TLL1: variants seen among roughly 807,000 people sequenced by gnomAD.
The protein encoded by TLL1 is tolloid like 1, also known as tolloid-like protein 1.
A neutral mutation model predicts 128.2 loss-of-function variants in TLL1; 49 were observed. The observed-to-expected ratio is 0.38, with a 90% CI of 0.30 to 0.48. TLL1 has a LOEUF of 0.48. Among genes scored for constraint, TLL1 ranks in the 20% least tolerant of loss-of-function variants. The pLI is 0.96. For missense variants in TLL1, 1,123 were observed against 1,242.0 expected (o/e 0.90, Z 1.44); for synonymous variants, 454 against 418.8 (o/e 1.08, Z -1.03).
intron 1 of TLL1, among the ~76,000 whole-genome samples, chr4:165,900,885 G>T (rs1270008479): frequency 6.6e-6 from 1 of 152,130 alleles, no homozygotes; most frequent in African/African-American, 2.4e-5. Context: ...ATCAAACATA[G>T]ATTTGGTCTT....
chr4:165,894,027 G>T (rs973537879), intron 1 of TLL1, among the ~76,000 whole-genome samples: 1 of 152,184 alleles, frequency 6.6e-6, no homozygotes, highest in South Asian at 2.1e-4. Context: ...CAATGGAAAT[G>T]TTTATCATTA....
chr4:165,894,616 G>C (rs1427078303), intron 1 of TLL1, among the ~76,000 whole-genome samples: 2 of 152,116 alleles, frequency 1.3e-5, no homozygotes, highest in East Asian at 1.9e-4. Context: ...GATTAATGTA[G>C]ACGTTAAATA....
intron 1 of TLL1, among the ~76,000 whole-genome samples, chr4:165,902,840 ATT>A (rs1461046059): frequency 2.0e-5 from 3 of 152,210 alleles, no homozygotes; most frequent in East Asian, 3.8e-4. Context: ...TAAATCATTA[ATT>A]CAAAATGAAT....
intron 15 of TLL1, among the ~76,000 whole-genome samples, chr4:166,063,562 T>C (rs982765595): frequency 2.6e-5 from 4 of 152,178 alleles, no homozygotes; most frequent in Non-Finnish European, 4.4e-5. Flanking sequence ...TGTGGCACTA[T>C]TGACAATAGC....
At chr4:165,993,778 T>C (rs2111017236) in intron 3 of TLL1, among the ~76,000 whole-genome samples, 1 of 152,232 alleles carries the variant, frequency 6.6e-6, no homozygotes, top group African/African-American at 2.4e-5. Flanking sequence ...ATTTTGTTCG[T>C]GTTGTGTACT....
rs533306919 is a variant in TLL1, at chr4:166,046,477, G to A, written c.1524+3058G>A. Among the ~76,000 whole-genome samples the A allele has an allele frequency of 3.9e-5, 6 of 152,250 alleles. No individual in the cohort carries two copies. The South Asian group carries it at 1.2e-3, about 32-fold the overall frequency. On this transcript the variant is annotated intron_variant, in intron 12 of 20. Transcript: ENST00000061240. Reference sequence around the variant, plus strand: ...TATCACACTGGTGAGTACTAAAAGAGCATTAAAACCCAGGTACATTTGATC... The same window carrying A: ...TATCACACTGGTGAGTACTAAAAGAACATTAAAACCCAGGTACATTTGATC...
chr4:165,913,358 T>A (rs1732630938), intron 1 of TLL1, among the ~76,000 whole-genome samples: 1 of 152,202 alleles, frequency 6.6e-6, no homozygotes, highest in Admixed American at 6.5e-5. Context: ...CTGAGTGTTT[T>A]TGTTTGGTAT....
At chr4:165,956,326 T>G (rs1386834392) in intron 1 of TLL1, among the ~76,000 whole-genome samples, 1 of 152,052 alleles carries the variant, frequency 6.6e-6, no homozygotes, top group Non-Finnish European at 1.5e-5. Flanking sequence ...CTAATAAGCC[T>G]GAGGGTACTG....
chr4:166,091,883 G>C lies in TLL1; in HGVS notation c.2656+542G>C, dbSNP rs193029779. ...TCTCTAATTTACTCTTACAGATTTC[G>C]ACTAACTGCTCTGGAAATCTTAAAG... On this transcript the variant is annotated intron_variant, in intron 19 of 20. Coordinates refer to ENST00000061240, the MANE Select transcript of TLL1 (RefSeq NM_012464.5). Among the ~76,000 whole-genome samples, 133 of 151,868 alleles carry C rather than the reference G, an allele frequency of 8.8e-4. 1 individual carries two copies. The highest frequency in any genetic ancestry group is 3.1e-3 in the African/African-American group (130 of 41,432).
rs1736976507 is a variant in TLL1, at chr4:165,998,264, A to G, written c.632+3086A>G. Among the ~76,000 whole-genome samples the G allele has an allele frequency of 2.0e-5, 3 of 152,274 alleles. No homozygotes were observed. The South Asian group carries it at 6.2e-4, about 32-fold the overall frequency. On this transcript the variant is annotated intron_variant, in intron 5 of 20. Coordinates refer to ENST00000061240, the MANE Select transcript of TLL1 (RefSeq NM_012464.5). ...AGAGATTTATATAACTATGTTTATTACCTCAGTCTATTATGTAGCCTTTTA... is the reference window on the plus strand; with the variant it reads ...AGAGATTTATATAACTATGTTTATTGCCTCAGTCTATTATGTAGCCTTTTA...
At chr4:166,070,212 G>C (rs140224233) in intron 16 of TLL1, among the ~76,000 whole-genome samples, 1 of 151,740 alleles carries the variant, frequency 6.6e-6, no homozygotes, top group South Asian at 2.1e-4. Flanking sequence ...GTCTGCATAG[G>C]TATACATGAT....
chr4:165,929,408 A>T (rs1216252920), intron 1 of TLL1, among the ~76,000 whole-genome samples: 1 of 152,092 alleles, frequency 6.6e-6, no homozygotes, highest in African/African-American at 2.4e-5. Flanking sequence ...GTGTGGTGGC[A>T]CATGCCTGTA....
intron 2 of TLL1, among the ~76,000 whole-genome samples, chr4:165,990,245 TAGAA>T (rs776200947): frequency 2.9e-4 from 44 of 152,052 alleles, no homozygotes; most frequent in Non-Finnish European, 5.0e-4. Flanking sequence ...ATTGCAAGGT[TAGAA>T]AGTTAAAATC....
chr4:166,060,929 T>C (rs1740282298), intron 15 of TLL1, among the ~76,000 whole-genome samples: 1 of 152,216 alleles, frequency 6.6e-6, no homozygotes, highest in Non-Finnish European at 1.5e-5. Flanking sequence ...TTGTTTCGTC[T>C]TCTGTACGTT....
intron 1 of TLL1, among the ~76,000 whole-genome samples, chr4:165,956,917 A>G (rs994768448): frequency 1.3e-5 from 2 of 152,110 alleles, no homozygotes; most frequent in East Asian, 3.9e-4. Flanking sequence ...ACTAAAGTAC[A>G]TAGCCCACAG....
At chr4:165,907,690 A>G (rs541760794) in intron 1 of TLL1, among the ~76,000 whole-genome samples, 52 of 151,966 alleles carry the variant, frequency 3.4e-4, no homozygotes, top group Non-Finnish European at 6.6e-4. Flanking sequence ...CTGGGATTAC[A>G]GGCACGCAAC....
chr4:166,059,733 G>T (rs189458916), intron 14 of TLL1, among the ~76,000 whole-genome samples: 30 of 151,976 alleles, frequency 2.0e-4, no homozygotes, highest in African/African-American at 7.2e-4. Flanking sequence ...AGAAAACTGA[G>T]ACCTAGATTT....
At chr4:165,958,851 C>T (rs1477159895) in intron 1 of TLL1, among the ~76,000 whole-genome samples, 2 of 144,860 alleles carry the variant, frequency 1.4e-5, no homozygotes, top group Non-Finnish European at 3.0e-5. Flanking sequence ...TTAGGTCTAA[C>T]GTTTAAGTCT....
At chr4:165,932,338 C>T (rs985710944) in intron 1 of TLL1, among the ~76,000 whole-genome samples, 4 of 152,152 alleles carry the variant, frequency 2.6e-5, no homozygotes, top group Admixed American at 6.5e-5. Context: ...TTATACTGAG[C>T]GTTTCTCAGT....
Sources: allele counts gnomAD v4.1 joint callset (sites outside exome capture counted in the v4.1 genomes callset), GRCh38; gene constraint gnomAD v4.1.1; transcripts MANE v1.5; gene names NCBI Gene and HGNC (gene_info 2026-07-23, HGNC 2026-07-21).